Variants in EIF2AK4 observed in about 807,000 individuals in gnomAD.
The protein encoded by EIF2AK4 is eIF-2-alpha kinase GCN2.
In EIF2AK4, 139 loss-of-function variants were observed where a neutral mutation model predicts 211.1. The ratio of observed to expected loss-of-function variants is 0.66; its 90% CI spans 0.57 to 0.76. The LOEUF (loss-of-function observed/expected upper bound fraction) is 0.76, where lower values mean the gene tolerates loss of function less well. Among genes scored for constraint, EIF2AK4 ranks in the 30% least tolerant of loss-of-function variants. EIF2AK4 has a pLI of 0.00. For synonymous variants in EIF2AK4, 710 were observed against 751.3 expected (o/e 0.94, Z 0.90); for missense variants, 1,664 against 2,043.8 (o/e 0.81, Z 3.58).
intron 30 of EIF2AK4, among the ~76,000 whole-genome samples, chr15:40,019,730 A>G (rs1378985839): frequency 6.6e-6 from 1 of 152,160 alleles, no homozygotes; most frequent in Admixed American, 6.5e-5. Context: ...CTTCCATGAA[A>G]CCAGTCCCTG....
At chr15:39,991,751 C>G (rs1037403297) in intron 16 of EIF2AK4, 3 of 162,058 alleles carry the variant, frequency 1.9e-5, no homozygotes, top group African/African-American at 7.2e-5. Context: ...GAGGGTGGAA[C>G]ATATTTGCTG....
chr15:39,999,099 T>C (rs1338711059), intron 20 of EIF2AK4, among the ~76,000 whole-genome samples: 1 of 152,216 alleles, frequency 6.6e-6, no homozygotes, highest in Non-Finnish European at 1.5e-5. Flanking sequence ...CTCATTGTTT[T>C]TGATAAAGCT....
chr15:40,018,090 A>G (rs2140943892), intron 29 of EIF2AK4, among the ~76,000 whole-genome samples: 2 of 152,230 alleles, frequency 1.3e-5, no homozygotes, highest in East Asian at 3.9e-4. Flanking sequence ...TAATTGTCTT[A>G]AATATTTCTT....
At position 40,007,427 on chromosome 15, in the gene EIF2AK4, G is replaced by A. The variant is rs116015558; in HGVS notation, c.3407+362G>A. The stretch of plus-strand genomic sequence containing the variant: ...TAAAACTTAATTGGTGGGACAAATG[G>A]CCAGTGGTCTCTATGTGAAAACTGC... On this transcript the variant is annotated intron_variant, in intron 24 of 38. Transcript: ENST00000263791. Among the ~76,000 whole-genome samples the A allele has an allele frequency of 2.4e-3, 360 of 152,294 alleles. 2 individuals are homozygous for A. The highest frequency in any genetic ancestry group is 8.4e-3 in the African/African-American group (348 of 41,552).
intron 33 of EIF2AK4, among the ~76,000 whole-genome samples, chr15:40,027,209 C>T (rs143015194): frequency 6.6e-5 from 10 of 152,276 alleles, no homozygotes; most frequent in African/African-American, 2.4e-4. Flanking sequence ...CACTGTTTTA[C>T]ATTTTTGTAA....
intron 27 of EIF2AK4, among the ~76,000 whole-genome samples, chr15:40,013,723 G>C (rs1052563732): frequency 6.6e-6 from 1 of 152,184 alleles, no homozygotes; most frequent in Non-Finnish European, 1.5e-5. Flanking sequence ...CCATGACACA[G>C]GGGAATTGTG....
In EIF2AK4 at chr15:40,020,912, C is replaced by T. The variant is rs767175226; in HGVS notation, c.4187C>T (p.Ser1396Phe). 1 of 1,611,532 alleles carries T rather than the reference C, an allele frequency of 6.2e-7. No homozygotes were observed. The highest frequency in any genetic ancestry group is 1.1e-5 in the South Asian group (1 of 90,578). Residue 1396 changes from serine (S) to phenylalanine (F), a missense_variant, in exon 31 of 39, where the codon TCT (serine) becomes TTT (phenylalanine). Ser to Phe is a radical substitution (Grantham distance 155). Around this residue, in one of 7 missense-constraint regions of EIF2AK4, gnomAD observed 622 missense variants for 796.8 expected, o/e 0.78. Coordinates refer to ENST00000263791, the MANE Select transcript of EIF2AK4 (RefSeq NM_001013703.4). ...LNMEESVTIS[S>F]CDLLVVSVGQ... ...TTTCTGATCCAGGTTACAATAAGCT[C>T]TTGTGACCTCCTGGTTGTAAGTGTT... is the stretch of plus-strand genomic sequence containing the variant.
intron 2 of EIF2AK4, among the ~76,000 whole-genome samples, chr15:39,941,602 T>C (rs2034145879): frequency 1.3e-5 from 2 of 152,222 alleles, no homozygotes; most frequent in African/African-American, 2.4e-5. Context: ...ATATTAATTA[T>C]AGCATTATTT....
chr15:40,003,118 T>G, intron 22 of EIF2AK4, 75 bp from the exon 23 acceptor site: 1 of 1,573,040 alleles, frequency 6.4e-7, no homozygotes, highest in Admixed American at 1.8e-5. Context: ...AACTGTCAGG[T>G]TTGTGTTAAT....
intron 15 of EIF2AK4, 71 bp from the exon 16 acceptor site, chr15:39,990,202 T>G (rs2034923588): frequency 6.7e-7 from 1 of 1,492,442 alleles, no homozygotes; most frequent in Non-Finnish European, 9.3e-7. Flanking sequence ...AGGTTGGCCT[T>G]TTAAATTAGG....
intron 31 of EIF2AK4, chr15:40,022,219 T>TG (rs374986232): frequency 9.5e-4 from 215 of 226,060 alleles, no homozygotes; most frequent in African/African-American, 2.4e-3. Context: ...TGTGTGTATG[T>TG]TGTGTTGTAT....
chr15:40,002,559 C>G lies in EIF2AK4; in HGVS notation c.3160-154C>G. 4.1e-6 allele frequency: 3 copies of G among 723,704 alleles called. No individual in the cohort carries two copies. The South Asian group carries it at 5.2e-5, about 12-fold the overall frequency. 44.8% of individuals were successfully genotyped at this position (723,704 alleles called of 1,614,324 possible). On this transcript the variant is annotated intron_variant, in intron 21 of 38. Coordinates refer to ENST00000263791, the MANE Select transcript of EIF2AK4 (RefSeq NM_001013703.4). ...GGCCATGAAAGATATGTGTCCTCTT[C>G]CCTGATGTGTTCAAAGAGGGATGGA...
intron 19 of EIF2AK4, among the ~76,000 whole-genome samples, chr15:39,998,270 G>GTTTTTTTTTTTTTTTTT (rs11435806): frequency 4.8e-5 from 6 of 125,384 alleles, no homozygotes; most frequent in African/African-American, 6.5e-5. Flanking sequence ...TTTTTTTTTT[G>GTTTTTTTTTTTTTTTTT]TTTTGTTTTT....
intron 29 of EIF2AK4, among the ~76,000 whole-genome samples, chr15:40,018,888 CAG>C (rs2035345306): frequency 6.6e-6 from 1 of 152,188 alleles, no homozygotes; most frequent in Non-Finnish European, 1.5e-5. Context: ...TTGAACAGTG[CAG>C]AGTTAGATGA....
intron 18 of EIF2AK4, among the ~76,000 whole-genome samples, chr15:39,994,480 A>G (rs2034993012): frequency 6.6e-6 from 1 of 152,122 alleles, no homozygotes; most frequent in African/African-American, 2.4e-5. Context: ...CTGGTGGCAC[A>G]CGTCTGTAGT....
intron 6 of EIF2AK4, among the ~76,000 whole-genome samples, chr15:39,956,239 C>T (rs935177410): frequency 2.0e-5 from 3 of 151,958 alleles, no homozygotes; most frequent in African/African-American, 7.3e-5. Context: ...CTCCTGACCT[C>T]GTGATCCACC....
At chr15:40,025,150 A>ACAACTC (rs1449638804) in intron 32 of EIF2AK4, among the ~76,000 whole-genome samples, 1 of 152,192 alleles carries the variant, frequency 6.6e-6, no homozygotes, top group Non-Finnish European at 1.5e-5. Flanking sequence ...TGTCCCAAAG[A>ACAACTC]TAGAGGCAGG....
intron 27 of EIF2AK4, among the ~76,000 whole-genome samples, chr15:40,016,291 A>AT (rs2035301724): frequency 6.6e-6 from 1 of 152,234 alleles, no homozygotes; most frequent in African/African-American, 2.4e-5. Context: ...AACCATGAGT[A>AT]TGTGTCTAAA....
chr15:39,977,734 A>G (rs1212746356), intron 12 of EIF2AK4: 1 of 167,498 alleles, frequency 6.0e-6, no homozygotes, highest in Non-Finnish European at 1.3e-5. Context: ...CAAAGGTACC[A>G]AACCAATAAT....
Sources: gnomAD v4.1 joint callset for allele counts (sites outside exome capture counted in the v4.1 genomes callset) on GRCh38, gnomAD v4.1.1 for gene constraint, gnomAD v4.1.1 regional missense constraint, MANE v1.5 for transcripts, NCBI Gene and HGNC (gene_info 2026-07-23, HGNC 2026-07-21) for gene names.